The following CHRNA7 variants were observed in gnomAD, a reference collection of about 807,000 sequenced individuals.
The protein encoded by CHRNA7 is neuronal acetylcholine receptor subunit alpha-7.
A neutral mutation model predicts 48.0 loss-of-function variants in CHRNA7; 17 were observed. That is an observed-to-expected ratio of 0.35 (90% CI 0.24 to 0.53). CHRNA7 has a LOEUF of 0.53. CHRNA7 is among the 20% of genes least tolerant of loss of function. CHRNA7 has a pLI of 0.92. For missense variants in CHRNA7, 155 were observed against 577.7 expected (o/e 0.27, Z 7.50); for synonymous variants, 75 against 242.3 (o/e 0.31, Z 6.41).
At chr15:32,136,859 GTC>G (rs1400568354) in intron 4 of CHRNA7, among the ~76,000 whole-genome samples, 1 of 114,636 alleles carries the variant, frequency 8.7e-6, no homozygotes, top group Non-Finnish European at 1.7e-5. Context: ...GTGAAACCCC[GTC>G]TCTACTAAAA....
At position 32,149,862 on chromosome 15, in the gene CHRNA7, G is replaced by A. The variant is rs1250735431; in HGVS notation, c.351-4045G>A. The stretch of plus-strand genomic sequence containing the variant: ...ATTGATCCAAATGCTTGAAAGAAAG[G>A]CTTGTAGGAACTTTTTTTTTTTCAG... On this transcript the variant is annotated intron_variant, in intron 4 of 9. Coordinates refer to ENST00000306901, the MANE Select transcript of CHRNA7 (RefSeq NM_000746.6). The surrounding 1 kb of genome is among the most constrained non-coding windows in gnomAD (Gnocchi z 4.6). Among the ~76,000 whole-genome samples, 1 of 151,540 alleles carries A rather than the reference G, an allele frequency of 6.6e-6. No individual in the cohort carries two copies.
At chr15:32,062,564 T>C (rs1158598995) in intron 2 of CHRNA7, among the ~76,000 whole-genome samples, 1 of 152,184 alleles carries the variant, frequency 6.6e-6, no homozygotes, top group Non-Finnish European at 1.5e-5. Flanking sequence ...TGAAGCATTT[T>C]ATCCTCCTGC....
rs577445810 is a variant in CHRNA7 at position 32,030,603 on chromosome 15, C to T, written c.9C>T (p.Cys3=). The T allele has an allele frequency of 1.9e-6, 3 of 1,555,896 alleles. No homozygotes were observed. The highest frequency in any genetic ancestry group is 2.6e-6 in the Non-Finnish European group (3 of 1,158,066). The change falls in exon 1 of 10, where the codon TGC becomes TGT. Residue 3 remains cysteine (C), a synonymous_variant. Coordinates refer to ENST00000306901, the MANE Select transcript of CHRNA7 (RefSeq NM_000746.6). ...CAGCTCCGGGACTCAACATGCGCTG[C>T]TCGCCGGGAGGCGTCTGGCTGGCGC... MR[C]SPGGVWLALA... is the part of the protein sequence containing the mutation.
intron 4 of CHRNA7, among the ~76,000 whole-genome samples, chr15:32,115,316 G>A (rs2050849513): frequency 6.6e-6 from 1 of 152,188 alleles, no homozygotes; most frequent in African/African-American, 2.4e-5. Flanking sequence ...ATTGTGAAGG[G>A]GAAGGCACGC....
intron 4 of CHRNA7, among the ~76,000 whole-genome samples, chr15:32,136,123 C>G (rs1481259612): frequency 6.6e-6 from 1 of 151,996 alleles, no homozygotes; most frequent in East Asian, 1.9e-4. Context: ...GTGAGCGAAG[C>G]AATTGGCAAA....
At chr15:32,034,806 A>T (rs1481130199) in intron 2 of CHRNA7, among the ~76,000 whole-genome samples, 2 of 152,218 alleles carry the variant, frequency 1.3e-5, no homozygotes, top group Non-Finnish European at 2.9e-5. Flanking sequence ...ACCTGCTGTT[A>T]TTCAACAGGC....
intron 2 of CHRNA7, among the ~76,000 whole-genome samples, chr15:32,049,864 T>C (rs1014892824): frequency 2.0e-5 from 3 of 152,118 alleles, no homozygotes; most frequent in Non-Finnish European, 4.4e-5. Flanking sequence ...TCTCTCAGCA[T>C]TTGCTTGTCT....
intron 2 of CHRNA7, among the ~76,000 whole-genome samples, chr15:32,071,317 C>T (rs1013058722): frequency 1.3e-5 from 2 of 152,104 alleles, no homozygotes; most frequent in South Asian, 4.1e-4. Context: ...AAATATATTA[C>T]AGGGATTTTG....
At chr15:32,144,613 T>G (rs142784470) in intron 4 of CHRNA7, among the ~76,000 whole-genome samples, 1 of 152,128 alleles carries the variant, frequency 6.6e-6, no homozygotes, top group East Asian at 1.9e-4. Context: ...TTTGTTTGTT[T>G]CGTTTTACTG....
chr15:32,148,994 C>T (rs1277881158), intron 4 of CHRNA7, among the ~76,000 whole-genome samples: 2 of 152,186 alleles, frequency 1.3e-5, no homozygotes, highest in African/African-American at 2.4e-5. Flanking sequence ...GTTACATTTG[C>T]CCCAGTCACC....
Position 32,030,947 on chromosome 15 carries a change from G to C in CHRNA7, c.105G>C (p.Lys35Asn). ...GGAAGCTTTACAAGGAGCTGGTCAA[G>C]AACTACAATCCCTTGGAGAGGCCCG... is the stretch of plus-strand genomic sequence containing the variant. ...FQRKLYKELV[K>N]NYNPLERPVA... Residue 35 changes from lysine (K) to asparagine (N), a missense_variant, in exon 2 of 10, where the codon AAG (lysine) becomes AAC (asparagine). Transcript: ENST00000306901. The C allele has an allele frequency of 6.2e-7, 1 of 1,614,206 alleles. No homozygotes were observed. Among genetic ancestry groups the C allele is most frequent in the Non-Finnish European group, 8.5e-7 (1 of 1,180,020 alleles).
intron 2 of CHRNA7, among the ~76,000 whole-genome samples, chr15:32,038,161 AT>A (rs2049384690): frequency 6.8e-6 from 1 of 146,906 alleles, no homozygotes; most frequent in South Asian, 2.1e-4. Context: ...CATTTTGTAT[AT>A]TTATTTACAT....
intron 2 of CHRNA7, among the ~76,000 whole-genome samples, chr15:32,087,598 G>T (rs77158207): frequency 6.6e-6 from 1 of 152,100 alleles, no homozygotes; most frequent in African/African-American, 2.4e-5. Context: ...GTATGTAACC[G>T]TATGTATCCT....
At chr15:32,089,375 C>G (rs1383964502) in intron 2 of CHRNA7, among the ~76,000 whole-genome samples, 2 of 151,996 alleles carry the variant, frequency 1.3e-5, no homozygotes, top group Non-Finnish European at 2.9e-5. Flanking sequence ...CTCACTGATT[C>G]CTTGCTTGGC....
At chr15:32,060,223 C>T (rs1232677014) in intron 2 of CHRNA7, among the ~76,000 whole-genome samples, 3 of 152,052 alleles carry the variant, frequency 2.0e-5, no homozygotes, top group Non-Finnish European at 2.9e-5. Flanking sequence ...ACAAACGGTC[C>T]TGGAGGAGTG....
At chr15:32,056,021 T>G (rs1251468630) in intron 2 of CHRNA7, among the ~76,000 whole-genome samples, 1 of 152,132 alleles carries the variant, frequency 6.6e-6, no homozygotes, top group Non-Finnish European at 1.5e-5. Flanking sequence ...GTTATATGTT[T>G]TGCAGGTATC....
intron 4 of CHRNA7, among the ~76,000 whole-genome samples, chr15:32,148,289 T>A (rs1232113785): frequency 1.3e-5 from 2 of 152,216 alleles, no homozygotes; most frequent in African/African-American, 4.8e-5. Flanking sequence ...TTGGTCTTGC[T>A]GGACTTCTTT....
chr15:32,051,946 G>T lies in CHRNA7; in HGVS notation c.195+20909G>T, dbSNP rs1034268685. Among the ~76,000 whole-genome samples, 3 of 152,142 alleles carry T rather than the reference G, an allele frequency of 2.0e-5. No individual in the cohort carries two copies. In the East Asian group the frequency reaches 5.8e-4, roughly 29 times the overall value. On this transcript the variant is annotated intron_variant, in intron 2 of 9. Coordinates refer to ENST00000306901, the MANE Select transcript of CHRNA7 (RefSeq NM_000746.6). Reference sequence around the variant, plus strand: ...CCCGCCTTGGCCTCCCAAAGTGCTGGGATTGCAGGCATGAGCCACTGCACC... The same window carrying T: ...CCCGCCTTGGCCTCCCAAAGTGCTGTGATTGCAGGCATGAGCCACTGCACC...
At chr15:32,139,376 C>T (rs1044802061) in intron 4 of CHRNA7, among the ~76,000 whole-genome samples, 1 of 152,198 alleles carries the variant, frequency 6.6e-6, no homozygotes, top group Non-Finnish European at 1.5e-5. Flanking sequence ...TGGATAAATA[C>T]AAGGGAAGGC....
Sources: gnomAD v4.1 joint callset for allele counts (sites outside exome capture counted in the v4.1 genomes callset) on GRCh38, gnomAD v4.1.1 for gene constraint, Gnocchi (gnomAD v3.1) non-coding constraint, MANE v1.5 for transcripts, NCBI Gene and HGNC (gene_info 2026-07-23, HGNC 2026-07-21) for gene names.